The following SLC44A3 variants were observed in gnomAD, a reference collection of about 807,000 sequenced individuals.
SLC44A3 encodes solute carrier family 44 member 3.
In SLC44A3, 74 loss-of-function variants were observed where a neutral mutation model predicts 75.4. The observed-to-expected ratio is 0.98, with a 90% CI of 0.81 to 1.19. The LOEUF (loss-of-function observed/expected upper bound fraction) is 1.19, where lower values mean the gene tolerates loss of function less well. Among genes scored for constraint, SLC44A3 ranks in the 50% most tolerant of loss-of-function variants. The pLI, the probability that SLC44A3 is intolerant of heterozygous loss-of-function variation, is 0.00. For missense variants in SLC44A3, 700 were observed against 778.6 expected, an observed-to-expected ratio of 0.90 and a Z score of 1.20; for synonymous variants, 310 against 296.9, an observed-to-expected ratio of 1.04 and a Z score of -0.45.
At chr1:94,867,080 T>G (rs1667244614) in intron 11 of SLC44A3, among the ~76,000 whole-genome samples, 1 of 152,096 alleles carries the variant, frequency 6.6e-6, no homozygotes, top group African/African-American at 2.4e-5. Flanking sequence ...CTGCTTTTGT[T>G]TTGCTGTTCA....
At chr1:94,872,412 T>A (rs76204109) in intron 12 of SLC44A3, among the ~76,000 whole-genome samples, 1 of 136,856 alleles carries the variant, frequency 7.3e-6, no homozygotes, top group African/African-American at 3.3e-5. Context: ...TTATTCATTC[T>A]TTTTTTTTTT....
At chr1:94,892,157 T>A (rs1374604994) in intron 13 of SLC44A3, 124 bp from the exon 14 acceptor site, 4 of 885,084 alleles carry the variant, frequency 4.5e-6, no homozygotes, top group African/African-American at 1.7e-5. Context: ...CTGACAAGCA[T>A]TCTTTACAAT....
rs1424606461 is a variant in SLC44A3, at chr1:94,857,465, T to C, written c.1203T>C (p.Thr401=). 6.2e-7 allele frequency: 1 copy of C among 1,613,700 alleles called. No homozygotes were observed. ...TCATCCTTGCGTGCCAGCAAATGAC[T>C]ATAGCTGGGGCAGTGGTTACTTGTT... ...SEFILACQQM[T]IAGAVVTCYF... The change falls in exon 10 of 15, where the codon ACT becomes ACC. Residue 401 remains threonine (T), a synonymous_variant. Transcript: ENST00000271227.
rs1571250098 is a variant in SLC44A3, at chr1:94,845,272, C to T, written c.886-6C>T. ...AAGTAATTTACTCAAATCCCTTTCT[C>T]ACCAGGCAGTGCTGCTCGTCTTGAT... On this transcript the variant is annotated splice_polypyrimidine_tract_variant and splice_region_variant and intron_variant, in intron 8 of 14. Coordinates refer to ENST00000271227, the MANE Select transcript of SLC44A3 (RefSeq NM_001114106.3). 2 of 1,592,648 alleles carry T rather than the reference C, an allele frequency of 1.3e-6. No homozygotes were observed.
At chr1:94,866,260 G>A (rs1464166787) in intron 11 of SLC44A3, among the ~76,000 whole-genome samples, 9 of 152,106 alleles carry the variant, frequency 5.9e-5, no homozygotes, top group South Asian at 2.1e-4. Context: ...CCCTCCTAAA[G>A]CTAGGCATTT....
At chr1:94,839,387 T>G (rs1451309035) in intron 6 of SLC44A3, among the ~76,000 whole-genome samples, 1 of 152,112 alleles carries the variant, frequency 6.6e-6, no homozygotes, top group Non-Finnish European at 1.5e-5. Context: ...TTTTTTTTCT[T>G]TCTTTCTTTT....
chr1:94,876,174 C>T (rs939576761), intron 12 of SLC44A3, among the ~76,000 whole-genome samples: 5 of 152,212 alleles, frequency 3.3e-5, no homozygotes, highest in African/African-American at 1.2e-4. Flanking sequence ...GGAGGTGCCT[C>T]AGAGTGGAAA....
At chr1:94,865,728 G>A (rs567331411) in intron 11 of SLC44A3, among the ~76,000 whole-genome samples, 127 of 152,230 alleles carry the variant, frequency 8.3e-4, no homozygotes, top group Non-Finnish European at 1.5e-3. Context: ...TTGGTGACTT[G>A]GTCAGTTTCA....
At chr1:94,881,516 A>G (rs1557882960) in intron 12 of SLC44A3, among the ~76,000 whole-genome samples, 1 of 151,494 alleles carries the variant, frequency 6.6e-6, no homozygotes, top group Non-Finnish European at 1.5e-5. Flanking sequence ...CATCCTGGCT[A>G]ACATGGTGAA....
At position 94,864,911 on chromosome 1, in the gene SLC44A3, T is replaced by G; in HGVS notation, c.1395+12T>G. ...CACTGAAAGAACAGGTAAGGCTACC[T>G]CCTGATACACAGCACGTTCTGTGTT... is the stretch of plus-strand genomic sequence containing the variant. On this transcript the variant is annotated intron_variant, in intron 11 of 14. Coordinates refer to ENST00000271227, the MANE Select transcript of SLC44A3 (RefSeq NM_001114106.3). The G allele has an allele frequency of 1.9e-6, 3 of 1,612,600 alleles. No individual in the cohort carries two copies. The highest frequency in any genetic ancestry group is 2.5e-6 in the Non-Finnish European group (3 of 1,179,364).
Position 94,888,637 on chromosome 1 carries a change from C to CTTT in SLC44A3, c.1483-2492_1483-2490dup, listed in dbSNP as rs1352555819. 5 of 954,026 alleles carry CTTT rather than the reference C, an allele frequency of 5.2e-6. No individual in the cohort carries two copies. In the African/African-American group the frequency reaches 7.2e-5, roughly 14 times the overall value. 59.1% of individuals were successfully genotyped at this position (954,026 alleles called of 1,614,324 possible). A position where few individuals can be genotyped will look rare whatever the true frequency, so the allele number is the denominator to read the frequency against. Reference sequence around the variant, plus strand: ...CCAAAACCAAAATTTCCTTGTGGAACTTTCTTTTTTTTTTTTGCAGGAAAT... The same window carrying CTTT: ...CCAAAACCAAAATTTCCTTGTGGAACTTTTTTCTTTTTTTTTTTTGCAGGAAAT... On this transcript the variant is annotated intron_variant, in intron 12 of 14. Coordinates refer to ENST00000271227, the MANE Select transcript of SLC44A3 (RefSeq NM_001114106.3).
Position 94,894,978 on chromosome 1 carries a change from G to T in SLC44A3, c.*56G>T. On this transcript the variant is annotated 3_prime_UTR_variant, in exon 15 of 15. Coordinates refer to ENST00000271227, the MANE Select transcript of SLC44A3 (RefSeq NM_001114106.3). ...CATTTCCTTCTAAGAGCCATTTACAGAATAGAAGATGAGACCACTAGAGAA... is the reference window on the plus strand; with the variant it reads ...CATTTCCTTCTAAGAGCCATTTACATAATAGAAGATGAGACCACTAGAGAA... 2.2e-6 allele frequency: 3 copies of T among 1,387,298 alleles called. No individual in the cohort carries two copies. Among genetic ancestry groups the T allele is most frequent in the Admixed American group, 2.1e-5 (1 of 47,672 alleles). 85.9% of individuals were successfully genotyped at this position (1,387,298 alleles called of 1,614,324 possible). A position where few individuals can be genotyped will look rare whatever the true frequency, so the allele number is the denominator to read the frequency against.
chr1:94,845,273 A>G lies in SLC44A3; in HGVS notation c.886-5A>G. ...AGTAATTTACTCAAATCCCTTTCTC[A>G]CCAGGCAGTGCTGCTCGTCTTGATT... On this transcript the variant is annotated splice_polypyrimidine_tract_variant and splice_region_variant and intron_variant, in intron 8 of 14. Transcript: ENST00000271227. The G allele has an allele frequency of 6.3e-7, 1 of 1,593,596 alleles. No homozygotes were observed. Among genetic ancestry groups the G allele is most frequent in the African/African-American group, 1.3e-5 (1 of 74,222 alleles).
intron 6 of SLC44A3, among the ~76,000 whole-genome samples, chr1:94,839,475 GCCAC>G (rs1663281476): frequency 6.6e-6 from 1 of 151,890 alleles, no homozygotes; most frequent in African/African-American, 2.4e-5. Flanking sequence ...GCCAACCTCT[GCCAC>G]CCGGGTTCAA....
At chr1:94,851,170 G>A (rs536951675) in intron 9 of SLC44A3, among the ~76,000 whole-genome samples, 6 of 152,108 alleles carry the variant, frequency 3.9e-5, no homozygotes, top group Non-Finnish European at 7.3e-5. Context: ...TTCAAGATTG[G>A]TTTGAGTATT....
chr1:94,872,361 G>A (rs907814057), intron 12 of SLC44A3, among the ~76,000 whole-genome samples: 1 of 151,954 alleles, frequency 6.6e-6, no homozygotes, highest in Non-Finnish European at 1.5e-5. Flanking sequence ...CTCCCAAAGT[G>A]CTGGAATTAC....
rs1667289873 is a variant in SLC44A3, at chr1:94,867,410, T to G, written c.1475T>G (p.Leu492Arg). The G allele has an allele frequency of 6.2e-7, 1 of 1,605,562 alleles. No homozygotes were observed. The highest frequency in any genetic ancestry group is 1.3e-5 in the African/African-American group (1 of 74,740). Reference protein sequence around the residue: ...FWCLDKYLLHLNQNAYTTTAI... With the variant: ...FWCLDKYLLHRNQNAYTTTAI... Reference sequence around the variant, plus strand: ...TGTCTTGACAAATACCTGCTCCATCTCAACCAGGTACGTCTCTACCTCTTG... The same window carrying G: ...TGTCTTGACAAATACCTGCTCCATCGCAACCAGGTACGTCTCTACCTCTTG... Residue 492 changes from leucine (L) to arginine (R), a missense_variant, in exon 12 of 15, where the codon CTC becomes CGC. By Grantham distance (102) the Leu-to-Arg change is moderately radical. Coordinates refer to ENST00000271227, the MANE Select transcript of SLC44A3 (RefSeq NM_001114106.3).
intron 10 of SLC44A3, among the ~76,000 whole-genome samples, chr1:94,863,918 A>G (rs960019750): frequency 6.6e-6 from 1 of 152,236 alleles, no homozygotes; most frequent in Non-Finnish European, 1.5e-5. Flanking sequence ...ATAATCCATT[A>G]TAAAGAAACC....
intron 12 of SLC44A3, among the ~76,000 whole-genome samples, chr1:94,881,377 C>T (rs1294079007): frequency 6.6e-6 from 1 of 152,206 alleles, no homozygotes; most frequent in East Asian, 1.9e-4. Context: ...TTCCTCAGTT[C>T]TGGGCTTCAA....
Sources: allele counts gnomAD v4.1 joint callset (sites outside exome capture counted in the v4.1 genomes callset), GRCh38; gene constraint gnomAD v4.1.1; transcripts MANE v1.5; gene names NCBI Gene and HGNC (gene_info 2026-07-23, HGNC 2026-07-21).